Variants in HSH2D observed in about 807,000 individuals in gnomAD.
The protein encoded by HSH2D is hematopoietic SH2 domain containing.
HSH2D carries 16 observed loss-of-function variants against 21.5 expected under a neutral mutation model. The ratio of observed to expected loss-of-function variants is 0.74; its 90% confidence interval spans 0.50 to 1.13. The LOEUF (loss-of-function observed/expected upper bound fraction) is 1.13. Among genes scored for constraint, HSH2D ranks in the 50% most tolerant of loss-of-function variants. HSH2D has a pLI of 0.00. For missense variants in HSH2D, 418 were observed against 441.4 expected, an observed-to-expected ratio of 0.95 and a Z score of 0.47; for synonymous variants, 172 against 184.7, an observed-to-expected ratio of 0.93 and a Z score of 0.56.
At chr19:16,142,137 G>A (rs548316735), upstream of HSH2D, 50 of 152,226 alleles carry the variant, frequency 3.3e-4, 1 homozygote, top group African/African-American at 1.2e-3. Context: ...TTATAATGGA[G>A]GAAGTCCTGG....
At chr19:16,141,563 C>T (rs926626173), upstream of HSH2D, among the ~76,000 whole-genome samples, 3 of 152,190 alleles carry the variant, frequency 2.0e-5, no homozygotes, top group Admixed American at 6.5e-5. Context: ...ACTGAACATC[C>T]TAATAATAAA....
chr19:16,137,513 GT>G (rs2090971998), intron 1 of HSH2D, among the ~76,000 whole-genome samples: 1 of 150,946 alleles, frequency 6.6e-6, no homozygotes, highest in Middle Eastern at 3.4e-3. Context: ...GGAGGCGGAG[GT>G]TGCAATGAAC....
intron 1 of HSH2D, among the ~76,000 whole-genome samples, chr19:16,137,349 C>T (rs959652508): frequency 2.6e-5 from 4 of 152,112 alleles, no homozygotes; most frequent in Admixed American, 1.3e-4. Context: ...GTCATCCGGC[C>T]GGGCGCGGTA....
chr19:16,137,783 G>A (rs1270354457), intron 1 of HSH2D, among the ~76,000 whole-genome samples: 2 of 151,972 alleles, frequency 1.3e-5, no homozygotes, highest in African/African-American at 4.8e-5. Context: ...GTGTCTCACT[G>A]CCCAGGCTGG....
Position 16,154,508 on chromosome 19 carries a change from A to T in HSH2D, c.474+17A>T. 1 of 1,518,794 alleles carries T rather than the reference A, an allele frequency of 6.6e-7. No homozygotes were observed. Among genetic ancestry groups the T allele is most frequent in the Non-Finnish European group, 8.9e-7 (1 of 1,118,688 alleles). The allele number at this position is 1,518,794 out of a possible 1,614,324, so 94.1% of individuals were successfully genotyped here. ...CCTGAGGAGGTATGTATATGACAGG[A>T]GGCTGGCACCTCCCACCTGGCTGAG... is the stretch of plus-strand genomic sequence containing the variant. On this transcript the variant is annotated intron_variant, in intron 5 of 5. Transcript: ENST00000613986.
chr19:16,142,977 C>T (rs374425510), upstream of HSH2D, among the ~76,000 whole-genome samples: 11 of 151,602 alleles, frequency 7.3e-5, no homozygotes, highest in East Asian at 1.7e-3. Flanking sequence ...CCATGTTGGC[C>T]AGCCTGGTCT....
In HSH2D at chr19:16,157,331, C is replaced by T; in HGVS notation, c.596C>T (p.Thr199Ile). ...CCCCCAAAATCCCCTCTTGGAGAGA[C>T]CCGCCAGAAACTCTGGAGGAGCCTC... ...SCPPKSPLGE[T>I]RQKLWRSLKM... Residue 199 changes from threonine to isoleucine, a missense_variant, in exon 6 of 6, where the codon ACC (threonine) becomes ATC (isoleucine). Coordinates refer to ENST00000613986, the MANE Select transcript of HSH2D (RefSeq NM_001382417.1). This position sits in a 1 kb window ranked among gnomAD's most constrained non-coding sequence, Gnocchi z 4.4. 4 of 1,613,866 alleles carry T rather than the reference C, an allele frequency of 2.5e-6. No individual in the cohort carries two copies. In the South Asian group the frequency reaches 4.4e-5, roughly 18 times the overall value.
intron 3 of HSH2D, 33 bp from the exon 4 acceptor site, chr19:16,153,010 T>C (rs368248880): frequency 1.3e-5 from 20 of 1,594,304 alleles, no homozygotes; most frequent in Non-Finnish European, 1.4e-5. Context: ...TGAGGGGGAG[T>C]AGGATGTCCC....
intron 1 of HSH2D, among the ~76,000 whole-genome samples, chr19:16,135,406 G>A (rs2090955553): frequency 6.6e-6 from 1 of 151,960 alleles, no homozygotes; most frequent in African/African-American, 2.4e-5. Flanking sequence ...TCCAGCCTGG[G>A]TGACAGAGCA....
At chr19:16,134,977 A>G (rs922020005) in intron 1 of HSH2D, among the ~76,000 whole-genome samples, 3 of 150,890 alleles carry the variant, frequency 2.0e-5, no homozygotes, top group Non-Finnish European at 3.0e-5. Context: ...AAAAAAAAAA[A>G]GTACAAAAAT....
intron 4 of HSH2D, among the ~76,000 whole-genome samples, chr19:16,154,041 T>G (rs1338689875): frequency 6.8e-6 from 1 of 146,052 alleles, no homozygotes; most frequent in Non-Finnish European, 1.5e-5. Flanking sequence ...GTGGCCTAGC[T>G]CCCAAGAAAC....
Position 16,157,861 on chromosome 19 carries a change from T to C in HSH2D, c.*67T>C. The C allele has an allele frequency of 8.5e-7, 1 of 1,178,554 alleles. No individual in the cohort carries two copies. The highest frequency in any genetic ancestry group is 1.2e-6 in the Non-Finnish European group (1 of 855,858). 73.0% of individuals were successfully genotyped at this position (1,178,554 alleles called of 1,614,324 possible). On this transcript the variant is annotated 3_prime_UTR_variant, in exon 6 of 6. Coordinates refer to ENST00000613986, the MANE Select transcript of HSH2D (RefSeq NM_001382417.1). The surrounding 1 kb of genome is among the most constrained non-coding windows in gnomAD (Gnocchi z 4.4). ...TGCCACACTCCTGAATGCCTTAACATTTCTTCCATGGCCCCACACCATGGC... is the reference window on the plus strand; with the variant it reads ...TGCCACACTCCTGAATGCCTTAACACTTCTTCCATGGCCCCACACCATGGC...
chr19:16,154,573 T>C (rs1368623821), intron 5 of HSH2D, 82 bp downstream of exon 5: 2 of 792,498 alleles, frequency 2.5e-6, no homozygotes, highest in Non-Finnish European at 4.1e-6. Flanking sequence ...CAGAGGAGGC[T>C]CCTTCTAGAA....
At chr19:16,139,872 C>G (rs1330589448), upstream of HSH2D, 2 of 152,216 alleles carry the variant, frequency 1.3e-5, no homozygotes, top group African/African-American at 4.8e-5. Context: ...CTTCCTTCCT[C>G]TGGGGGACGC....
At chr19:16,151,242 T>C (rs908444541) in intron 2 of HSH2D, among the ~76,000 whole-genome samples, 12 of 151,002 alleles carry the variant, frequency 7.9e-5, no homozygotes, top group Non-Finnish European at 1.5e-4. Flanking sequence ...GGAGAATAGC[T>C]TGAACCTGGG....
At chr19:16,152,318 TGAGGCAGGAGAATGGCGTGAATCCGG>T in intron 2 of HSH2D, among the ~76,000 whole-genome samples, 1 of 149,726 alleles carries the variant, frequency 6.7e-6, no homozygotes, top group East Asian at 2.0e-4. Flanking sequence ...CTTGGGAGGC[TGAGGCAGGAGAATGGCGTGAATCCGG>T]GAGGCGGAGC....
upstream of HSH2D, among the ~76,000 whole-genome samples, chr19:16,142,816 A>T (rs535452808): frequency 2.6e-4 from 39 of 151,124 alleles, no homozygotes; most frequent in African/African-American, 9.2e-4. Flanking sequence ...TCTGTCATCC[A>T]GGCTAAAGTG....
intron 1 of HSH2D, among the ~76,000 whole-genome samples, chr19:16,136,434 C>T (rs575727261): frequency 6.6e-6 from 1 of 152,198 alleles, no homozygotes; most frequent in Non-Finnish European, 1.5e-5. Context: ...CACTCAAGAC[C>T]CACGGTGATA....
Position 16,154,437 on chromosome 19 carries a change from C to G in HSH2D, c.420C>G (p.Leu140=). The G allele has an allele frequency of 1.3e-6, 2 of 1,552,476 alleles. No individual in the cohort carries two copies. The highest frequency in any genetic ancestry group is 1.7e-6 in the Non-Finnish European group (2 of 1,147,576). ...ACGTGGATTACGAGGATCTCTTCCT[C>G]TACTCCAACGCAGTGGCCGAGGAAG... ...PANVDYEDLF[L]YSNAVAEEAA... The change falls in exon 5 of 6, where the codon CTC becomes CTG. Residue 140 remains leucine, a synonymous_variant. Coordinates refer to ENST00000613986, the MANE Select transcript of HSH2D (RefSeq NM_001382417.1).
Sources: gnomAD v4.1 joint callset for allele counts (sites outside exome capture counted in the v4.1 genomes callset) on GRCh38, gnomAD v4.1.1 for gene constraint, Gnocchi (gnomAD v3.1) non-coding constraint, MANE v1.5 for transcripts, NCBI Gene and HGNC (gene_info 2026-07-23, HGNC 2026-07-21) for gene names.